GABRB2: variants seen among roughly 807,000 people sequenced by gnomAD.
GABRB2 encodes the protein gamma-aminobutyric acid type A receptor subunit beta2.
GABRB2 carries 16 observed loss-of-function variants against 54.7 expected under a neutral mutation model. The ratio of observed to expected loss-of-function variants is 0.29; its 90% CI spans 0.20 to 0.44. The LOEUF (loss-of-function observed/expected upper bound fraction) is 0.44. Ranked by LOEUF, GABRB2 falls within the 20% of genes least tolerant of loss-of-function variation. GABRB2 has a pLI of 1.00. For synonymous variants in GABRB2, 244 were observed against 233.8 expected (o/e 1.04, Z -0.40); for missense variants, 355 against 644.0 (o/e 0.55, Z 4.86).
intron 5 of GABRB2, among the ~76,000 whole-genome samples, chr5:161,348,936 T>C (rs962693834): frequency 6.6e-6 from 1 of 152,118 alleles, no homozygotes; most frequent in Non-Finnish European, 1.5e-5. Flanking sequence ...TGTTCATTCA[T>C]ATCAGACTAT....
At chr5:161,397,080 G>A (rs1218519748) in intron 5 of GABRB2, among the ~76,000 whole-genome samples, 1 of 152,132 alleles carries the variant, frequency 6.6e-6, no homozygotes, top group African/African-American at 2.4e-5. Context: ...AGAGCCTTTT[G>A]TTAAACCTTA....
At chr5:161,417,977 T>G (rs1756729118) in intron 4 of GABRB2, among the ~76,000 whole-genome samples, 1 of 152,222 alleles carries the variant, frequency 6.6e-6, no homozygotes, top group Non-Finnish European at 1.5e-5. Context: ...CATGTTCCCA[T>G]TTGATAAATC....
chr5:161,309,469 G>T (rs1320126961), intron 9 of GABRB2, among the ~76,000 whole-genome samples: 1 of 152,038 alleles, frequency 6.6e-6, no homozygotes, highest in Admixed American at 6.6e-5. Flanking sequence ...GAGACCTAAA[G>T]ACAGAAATAT....
At chr5:161,410,388 TCTCACACACACACACA>T (rs1205893199) in intron 5 of GABRB2, among the ~76,000 whole-genome samples, 2 of 149,626 alleles carry the variant, frequency 1.3e-5, no homozygotes, top group African/African-American at 2.5e-5. Context: ...TAAACAGAAT[TCTCACACACACACACA>T]CACACACACA....
At chr5:161,297,611 C>A (rs1266606107) in intron 9 of GABRB2, among the ~76,000 whole-genome samples, 4 of 152,100 alleles carry the variant, frequency 2.6e-5, no homozygotes, top group Non-Finnish European at 4.4e-5. Flanking sequence ...GGGATATGGA[C>A]TCGTCCTTTT....
chr5:161,485,524 A>G (rs1758895076), intron 3 of GABRB2, among the ~76,000 whole-genome samples: 1 of 151,942 alleles, frequency 6.6e-6, no homozygotes, highest in Admixed American at 6.6e-5. Flanking sequence ...ACCTCTACTG[A>G]ATAAACAGGT....
At chr5:161,397,721 A>G (rs1756047914) in intron 5 of GABRB2, among the ~76,000 whole-genome samples, 1 of 152,180 alleles carries the variant, frequency 6.6e-6, no homozygotes, top group South Asian at 2.1e-4. Context: ...AAACAGTTTA[A>G]CACCTTAACG....
rs1238395526 is a variant in GABRB2, at chr5:161,330,972, A to G, written c.988T>C (p.Phe330Leu). The G allele has an allele frequency of 6.2e-7, 1 of 1,614,078 alleles. No homozygotes were observed. Among genetic ancestry groups the G allele is most frequent in the African/African-American group, 1.3e-5 (1 of 74,922 alleles). Reference protein sequence around the residue: ...LLEYALVNYIFFGRGPQRQKK... With the variant: ...LLEYALVNYILFGRGPQRQKK... ...TGGCGTTGGGGCCCCCTCCCAAAGA[A>G]GATGTAGTTGACTAGGGCATATTCC... is the stretch of plus-strand genomic sequence containing the variant. Residue 330 changes from phenylalanine (F) to leucine (L), a missense_variant, in exon 8 of 10, where the codon TTC becomes CTC. Coordinates refer to ENST00000393959, the MANE Select transcript of GABRB2 (RefSeq NM_001371727.1).
chr5:161,396,221 A>T (rs532501549), intron 5 of GABRB2, among the ~76,000 whole-genome samples: 1 of 152,300 alleles, frequency 6.6e-6, no homozygotes, highest in African/African-American at 2.4e-5. Flanking sequence ...AGCCACACTG[A>T]GCCCAAGTAA....
chr5:161,404,974 G>T (rs1756304748), intron 5 of GABRB2, among the ~76,000 whole-genome samples: 1 of 152,086 alleles, frequency 6.6e-6, no homozygotes, highest in Non-Finnish European at 1.5e-5. Flanking sequence ...GAATACGGCA[G>T]CCCATCTGAC....
chr5:161,488,133 A>C (rs376828359), intron 3 of GABRB2, among the ~76,000 whole-genome samples: 26 of 151,918 alleles, frequency 1.7e-4, no homozygotes, highest in African/African-American at 5.8e-4. Flanking sequence ...TACTGCTTCA[A>C]GGGTCAAAAT....
chr5:161,471,411 G>A (rs890379852), intron 3 of GABRB2, among the ~76,000 whole-genome samples: 1 of 151,926 alleles, frequency 6.6e-6, no homozygotes, highest in Admixed American at 6.6e-5. Flanking sequence ...AAGGCATCAC[G>A]CCAGATGTTC....
chr5:161,313,648 T>C (rs12515928), intron 9 of GABRB2, among the ~76,000 whole-genome samples: 1 of 152,054 alleles, frequency 6.6e-6, no homozygotes, highest in African/African-American at 2.4e-5. Flanking sequence ...CTGGTAGATA[T>C]CAACTTCAAA....
At chr5:161,542,676 C>T (rs1484066069) in intron 3 of GABRB2, among the ~76,000 whole-genome samples, 4 of 152,204 alleles carry the variant, frequency 2.6e-5, no homozygotes. Flanking sequence ...CCCTACCATT[C>T]TTCAAAGAAA....
chr5:161,540,853 T>C (rs1760789606), intron 3 of GABRB2, among the ~76,000 whole-genome samples: 1 of 152,040 alleles, frequency 6.6e-6, no homozygotes, highest in African/African-American at 2.4e-5. Context: ...TTATTATTAT[T>C]ATTATTATTT....
intron 5 of GABRB2, among the ~76,000 whole-genome samples, chr5:161,384,399 G>A (rs1345737): frequency 0.022 from 3,389 of 152,226 alleles, 35 homozygotes; most frequent in Middle Eastern, 0.034. Flanking sequence ...GTGGAGTGAG[G>A]TGAGACATGC....
intron 9 of GABRB2, among the ~76,000 whole-genome samples, chr5:161,308,361 T>C (rs192227115): frequency 6.6e-6 from 1 of 152,006 alleles, no homozygotes; most frequent in South Asian, 2.1e-4. Context: ...GCCAATGAAA[T>C]GAAAAGAGAA....
intron 4 of GABRB2, among the ~76,000 whole-genome samples, chr5:161,450,168 A>G (rs1757751101): frequency 6.6e-6 from 1 of 152,082 alleles, no homozygotes; most frequent in South Asian, 2.1e-4. Flanking sequence ...GTCTCCAGCC[A>G]TTCCTCTTTC....
At chr5:161,344,352 C>T (rs577205237) in intron 5 of GABRB2, among the ~76,000 whole-genome samples, 1 of 152,080 alleles carries the variant, frequency 6.6e-6, no homozygotes, top group South Asian at 2.1e-4. Flanking sequence ...AATTTGTAGT[C>T]ACGCTAGTTT....
Sources: allele counts gnomAD v4.1 joint callset (sites outside exome capture counted in the v4.1 genomes callset), GRCh38; gene constraint gnomAD v4.1.1; transcripts MANE v1.5; gene names NCBI Gene and HGNC (gene_info 2026-07-23, HGNC 2026-07-21).